DLX5: variants seen among roughly 807,000 people sequenced by gnomAD.
DLX5 encodes homeobox protein DLX-5.
A neutral mutation model predicts 27.1 loss-of-function variants in DLX5; 8 were observed. The observed-to-expected ratio is 0.30, with a 90% CI of 0.17 to 0.53. DLX5 has a LOEUF of 0.53. Ranked by LOEUF, DLX5 falls within the 20% of genes least tolerant of loss-of-function variation. The pLI, the probability that DLX5 is intolerant of heterozygous loss-of-function variation, is 0.95. For missense variants in DLX5, 339 were observed against 375.1 expected, an observed-to-expected ratio of 0.90 and a Z score of 0.80; for synonymous variants, 178 against 161.9, an observed-to-expected ratio of 1.10 and a Z score of -0.75.
chr7:97,020,608 A>G lies in DLX5; in HGVS notation c.*128T>C. 2.0e-6 allele frequency: 2 copies of G among 1,023,550 alleles called. No homozygotes were observed. The highest frequency in any genetic ancestry group is 2.6e-6 in the Non-Finnish European group (2 of 755,900). 63.4% of individuals were successfully genotyped at this position (1,023,550 alleles called of 1,614,324 possible). A position where few individuals can be genotyped will look rare whatever the true frequency, so the allele number is the denominator to read the frequency against. Reference sequence around the variant, plus strand: ...TTTGAAATGCAATAACTTACATGCAAAAAAAAGCTTTACACATGAATCTTT... The same window carrying G: ...TTTGAAATGCAATAACTTACATGCAGAAAAAAGCTTTACACATGAATCTTT... On this transcript the variant is annotated 3_prime_UTR_variant, in exon 3 of 3. Coordinates refer to ENST00000648378, the MANE Select transcript of DLX5 (RefSeq NM_005221.6).
chr7:97,024,661 T>C lies in DLX5; in HGVS notation c.-38A>G. ...GCGGCAGCGGCTGTCCTTGCTGTTG[T>C]GGCGGCGGCAGCTGCCCTAGTTGGC... On this transcript the variant is annotated 5_prime_UTR_variant, in exon 1 of 3. Coordinates refer to ENST00000648378, the MANE Select transcript of DLX5 (RefSeq NM_005221.6). The surrounding 1 kb of genome is among the most constrained non-coding windows in gnomAD (Gnocchi z 4.6). 1.3e-6 allele frequency: 2 copies of C among 1,548,640 alleles called. No homozygotes were observed. Among genetic ancestry groups the C allele is most frequent in the Non-Finnish European group, 1.8e-6 (2 of 1,142,380 alleles).
Position 97,024,728 on chromosome 7 carries a change from G to A in DLX5, c.-105C>T, listed in dbSNP as rs979708559. 1.0e-6 allele frequency: 1 copy of A among 970,012 alleles called. No homozygotes were observed. Among genetic ancestry groups the A allele is most frequent in the Non-Finnish European group, 1.5e-6 (1 of 656,548 alleles). The allele number at this position is 970,012 out of a possible 1,614,324, so 60.1% of individuals were successfully genotyped here. On this transcript the variant is annotated 5_prime_UTR_variant, in exon 1 of 3. Transcript: ENST00000648378. The surrounding 1 kb of genome is among the most constrained non-coding windows in gnomAD (Gnocchi z 4.6). Reference sequence around the variant, plus strand: ...TCTAAGCAGACATGGCTGTGGGAGCGAGGGAGGAGGAGGAAGAGGAGGAGG... The same window carrying A: ...TCTAAGCAGACATGGCTGTGGGAGCAAGGGAGGAGGAGGAAGAGGAGGAGG...
At chr7:97,023,861 T>A (rs1790129065) in intron 1 of DLX5, among the ~76,000 whole-genome samples, 1 of 150,242 alleles carries the variant, frequency 6.7e-6, no homozygotes, top group Non-Finnish European at 1.5e-5. Flanking sequence ...GGCAGCCTTC[T>A]ATTCCCACTC....
At position 97,024,353 on chromosome 7, in the gene DLX5, C is replaced by A. The variant is rs749709560; in HGVS notation, c.271G>T (p.Ala91Ser). 2 of 1,614,254 alleles carry A rather than the reference C, an allele frequency of 1.2e-6. No individual in the cohort carries two copies. The highest frequency in any genetic ancestry group is 1.7e-6 in the Non-Finnish European group (2 of 1,180,050). ...CTAGCGTAGCTATAGTCGGCATAAG[C>A]TTTGGCTGGGTAGCTCCCGGCGGAG... ...NGSAGSYPAKAYADYSYASSY... is the reference protein window; with the variant it reads ...NGSAGSYPAKSYADYSYASSY... Residue 91 changes from alanine to serine, a missense_variant, in exon 1 of 3, where the codon GCT becomes TCT. Physicochemically the swap from Ala to Ser is moderately conservative, Grantham distance 99 (BLOSUM62 1). Around this residue, in one of 3 missense-constraint regions of DLX5, gnomAD observed 188 missense variants for 206.1 expected, o/e 0.91. Transcript: ENST00000648378. This position sits in a 1 kb window ranked among gnomAD's most constrained non-coding sequence, Gnocchi z 4.6.
rs775776434 is a variant in DLX5, at chr7:97,020,747, T to A, written c.859A>T (p.Thr287Ser). The A allele has an allele frequency of 1.3e-6, 2 of 1,592,398 alleles. No homozygotes were observed. The highest frequency in any genetic ancestry group is 2.3e-5 in the South Asian group (2 of 87,686). ...LQHPLALASGTLY is the reference protein window; with the variant it reads ...LQHPLALASGSLY ...AGAGAGCAGCCCATCTAATAGAGTG[T>A]CCCGGAGGCCAGCGCCAGCGGGTGC... Residue 287 changes from threonine to serine, a missense_variant, in exon 3 of 3, where the codon ACA becomes TCA. Transcript: ENST00000648378.
At position 97,024,768 on chromosome 7, in the gene DLX5, C is replaced by A. The variant is rs1584168962; in HGVS notation, c.-145G>T. 1 of 689,952 alleles carries A rather than the reference C, an allele frequency of 1.4e-6. No individual in the cohort carries two copies. Among genetic ancestry groups the A allele is most frequent in the African/African-American group, 1.8e-5 (1 of 55,926 alleles). The allele number at this position is 689,952 out of a possible 1,614,324, so 42.7% of individuals were successfully genotyped here. A position where few individuals can be genotyped will look rare whatever the true frequency, so the allele number is the denominator to read the frequency against. On this transcript the variant is annotated 5_prime_UTR_variant, in exon 1 of 3. Coordinates refer to ENST00000648378, the MANE Select transcript of DLX5 (RefSeq NM_005221.6). The surrounding 1 kb of genome is among the most constrained non-coding windows in gnomAD (Gnocchi z 4.6). Reference sequence around the variant, plus strand: ...AGAGGAGGAGGAGAGAAGGAGGAGGCGGCGGCCGCGGCGAGGAGGAGACTG... The same window carrying A: ...AGAGGAGGAGGAGAGAAGGAGGAGGAGGCGGCCGCGGCGAGGAGGAGACTG...
intron 2 of DLX5, 47 bp from the exon 3 acceptor site, chr7:97,021,112 G>A (rs1379900902): frequency 6.5e-7 from 1 of 1,531,632 alleles, no homozygotes; most frequent in Non-Finnish European, 8.8e-7. Context: ...CTCAGAGGTC[G>A]CCCGCGCCTT....
In DLX5 at chr7:97,024,810, T is replaced by A. The variant is rs1036639758; in HGVS notation, c.-187A>T. On this transcript the variant is annotated 5_prime_UTR_variant, in exon 1 of 3. Coordinates refer to ENST00000648378, the MANE Select transcript of DLX5 (RefSeq NM_005221.6). This position sits in a 1 kb window ranked among gnomAD's most constrained non-coding sequence, Gnocchi z 4.6. ...AGGAGACTGGGAGTCGTGAAGTCTCTGTCTCCGGCCGGCTGACTGCTGGCT... is the reference window on the plus strand; with the variant it reads ...AGGAGACTGGGAGTCGTGAAGTCTCAGTCTCCGGCCGGCTGACTGCTGGCT... 1.5e-5 allele frequency: 9 copies of A among 588,420 alleles called. No individual in the cohort carries two copies. The African/African-American group carries it at 1.7e-4, about 11-fold the overall frequency. 36.4% of individuals were successfully genotyped at this position (588,420 alleles called of 1,614,324 possible).
Position 97,020,581 on chromosome 7 carries a change from C to T in DLX5, c.*155G>A. On this transcript the variant is annotated 3_prime_UTR_variant, in exon 3 of 3. Coordinates refer to ENST00000648378, the MANE Select transcript of DLX5 (RefSeq NM_005221.6). ...AGTCCTCTGTAAAAAAAGGGGGGGTCTTTTGAAATGCAATAACTTACATGC... is the reference window on the plus strand; with the variant it reads ...AGTCCTCTGTAAAAAAAGGGGGGGTTTTTTGAAATGCAATAACTTACATGC... 1.4e-6 allele frequency: 1 copy of T among 738,576 alleles called. No individual in the cohort carries two copies. Among genetic ancestry groups the T allele is most frequent in the East Asian group, 3.0e-5 (1 of 33,180 alleles). 45.8% of individuals were successfully genotyped at this position (738,576 alleles called of 1,614,324 possible).
chr7:97,021,412 A>G (rs1790054282), intron 2 of DLX5, among the ~76,000 whole-genome samples: 1 of 152,112 alleles, frequency 6.6e-6, no homozygotes, highest in Admixed American at 6.5e-5. Flanking sequence ...GGACGCGCGG[A>G]ACGCGGCGAA....
chr7:97,023,021 G>A (rs1185608078), intron 1 of DLX5, among the ~76,000 whole-genome samples: 1 of 40,936 alleles, frequency 2.4e-5, no homozygotes, highest in Non-Finnish European at 4.0e-5. Context: ...ATATGTTCTT[G>A]GCAAAAAAAA....
Position 97,024,231 on chromosome 7 carries a change from C to A in DLX5, c.355+38G>T. ...CATCTCGCGCCCCCAGCGTCCTAGT[C>A]GCCCTGTATCTGCCCAGCCTTCCCC... On this transcript the variant is annotated intron_variant, in intron 1 of 2. Coordinates refer to ENST00000648378, the MANE Select transcript of DLX5 (RefSeq NM_005221.6). The surrounding 1 kb of genome is among the most constrained non-coding windows in gnomAD (Gnocchi z 4.6). 2 of 1,574,332 alleles carry A rather than the reference C, an allele frequency of 1.3e-6. No individual in the cohort carries two copies. The highest frequency in any genetic ancestry group is 2.4e-5 in the South Asian group (2 of 84,504).
Position 97,022,384 on chromosome 7 carries a change from C to T in DLX5, c.356-15G>A, listed in dbSNP as rs1790087850. The T allele has an allele frequency of 6.2e-7, 1 of 1,613,056 alleles. No homozygotes were observed. Among genetic ancestry groups the T allele is most frequent in the Non-Finnish European group, 8.5e-7 (1 of 1,180,008 alleles). ...CACTTCTTTCTCTAAATAATCAAAA[C>T]AGACTCAGTTAAAGCTTGTCACCAG... On this transcript the variant is annotated splice_polypyrimidine_tract_variant and intron_variant, in intron 1 of 2. Transcript: ENST00000648378.
chr7:97,020,615 G>A lies in DLX5; in HGVS notation c.*121C>T. On this transcript the variant is annotated 3_prime_UTR_variant, in exon 3 of 3. Coordinates refer to ENST00000648378, the MANE Select transcript of DLX5 (RefSeq NM_005221.6). ...TGCAATAACTTACATGCAAAAAAAAGCTTTACACATGAATCTTTTTCAGTT... is the reference window on the plus strand; with the variant it reads ...TGCAATAACTTACATGCAAAAAAAAACTTTACACATGAATCTTTTTCAGTT... The A allele has an allele frequency of 1.9e-6, 2 of 1,049,848 alleles. No homozygotes were observed. The highest frequency in any genetic ancestry group is 2.6e-6 in the Non-Finnish European group (2 of 771,984). The allele number at this position is 1,049,848 out of a possible 1,614,324, so 65.0% of individuals were successfully genotyped here.
chr7:97,024,240 T>G lies in DLX5; in HGVS notation c.355+29A>C, dbSNP rs762108751. 3 of 1,593,642 alleles carry G rather than the reference T, an allele frequency of 1.9e-6. No individual in the cohort carries two copies. In the South Asian group the frequency reaches 3.4e-5, roughly 18 times the overall value. On this transcript the variant is annotated intron_variant, in intron 1 of 2. Transcript: ENST00000648378. This position sits in a 1 kb window ranked among gnomAD's most constrained non-coding sequence, Gnocchi z 4.6. ...CCCCCAGCGTCCTAGTCGCCCTGTA[T>G]CTGCCCAGCCTTCCCCCTGTCCATG...
At chr7:97,023,521 T>C (rs1018679866) in intron 1 of DLX5, among the ~76,000 whole-genome samples, 1 of 152,090 alleles carries the variant, frequency 6.6e-6, no homozygotes, top group Non-Finnish European at 1.5e-5. Context: ...GCCTCATGCC[T>C]TTCTCTTACC....
At position 97,024,478 on chromosome 7, in the gene DLX5, C is replaced by T; in HGVS notation, c.146G>A (p.Ser49Asn). ...ESSATDSDYY[S>N]PTGGAPHGYC... ...GCCGTGCGGGGCTCCCCCCGTAGGGCTGTAGTAGTCAGAATCGGTAGCTGA... is the reference window on the plus strand; with the variant it reads ...GCCGTGCGGGGCTCCCCCCGTAGGGTTGTAGTAGTCAGAATCGGTAGCTGA... The change falls in exon 1 of 3, where the codon AGC becomes AAC. Residue 49 changes from serine (S) to asparagine (N), a missense_variant. Coordinates refer to ENST00000648378, the MANE Select transcript of DLX5 (RefSeq NM_005221.6). This position sits in a 1 kb window ranked among gnomAD's most constrained non-coding sequence, Gnocchi z 4.6. The T allele has an allele frequency of 1.2e-6, 2 of 1,614,262 alleles. No homozygotes were observed. Among genetic ancestry groups the T allele is most frequent in the Non-Finnish European group, 1.7e-6 (2 of 1,180,048 alleles).
At position 97,024,580 on chromosome 7, in the gene DLX5, C is replaced by G; in HGVS notation, c.44G>C (p.Gly15Ala). Residue 15 changes from glycine to alanine, a missense_variant, in exon 1 of 3, where the codon GGC becomes GCC. Physicochemically the swap from Gly to Ala is moderately conservative, Grantham distance 60. Coordinates refer to ENST00000648378, the MANE Select transcript of DLX5 (RefSeq NM_005221.6). This position sits in a 1 kb window ranked among gnomAD's most constrained non-coding sequence, Gnocchi z 4.6. ...CGTCTGGAACGGAGCTTGGAAGTCGCCGGATCGGATGCTGGGGACCCTTCT... is the reference window on the plus strand; with the variant it reads ...CGTCTGGAACGGAGCTTGGAAGTCGGCGGATCGGATGCTGGGGACCCTTCT... ...FDRRVPSIRSGDFQAPFQTSA... is the reference protein window; with the variant it reads ...FDRRVPSIRSADFQAPFQTSA... The G allele has an allele frequency of 6.2e-7, 1 of 1,607,520 alleles. No individual in the cohort carries two copies. The highest frequency in any genetic ancestry group is 8.5e-7 in the Non-Finnish European group (1 of 1,174,628).
chr7:97,024,056 G>T lies in DLX5; in HGVS notation c.355+213C>A, dbSNP rs1337543780. On this transcript the variant is annotated intron_variant, in intron 1 of 2. Transcript: ENST00000648378. This position sits in a 1 kb window ranked among gnomAD's most constrained non-coding sequence, Gnocchi z 4.6. Reference sequence around the variant, plus strand: ...TTGGAAGGTGCCGGAGGGGAGAGACGCTAGTTCGAACCTCCACAGGGCTCT... The same window carrying T: ...TTGGAAGGTGCCGGAGGGGAGAGACTCTAGTTCGAACCTCCACAGGGCTCT... Among the ~76,000 whole-genome samples the T allele has an allele frequency of 1.3e-5, 2 of 152,138 alleles. No homozygotes were observed. Among genetic ancestry groups the T allele is most frequent in the Non-Finnish European group, 2.9e-5 (2 of 68,024 alleles).
Sources: allele counts gnomAD v4.1 joint callset (sites outside exome capture counted in the v4.1 genomes callset), GRCh38; gene constraint gnomAD v4.1.1; regional missense constraint gnomAD v4.1.1; non-coding constraint Gnocchi (gnomAD v3.1); transcripts MANE v1.5; gene names NCBI Gene and HGNC (gene_info 2026-07-23, HGNC 2026-07-21).